The following CACNA1D variants were observed in gnomAD, a reference collection of about 807,000 sequenced individuals.
The protein encoded by CACNA1D is calcium voltage-gated channel subunit alpha1 D, also known as voltage-dependent L-type calcium channel subunit alpha-1D.
CACNA1D carries 55 observed loss-of-function variants against 257.1 expected under a neutral mutation model. That is an observed-to-expected ratio of 0.21 (90% CI 0.17 to 0.27). The LOEUF (loss-of-function observed/expected upper bound fraction) is 0.27. Among genes scored for constraint, CACNA1D ranks in the 10% least tolerant of loss-of-function variants. The pLI, the probability that CACNA1D is intolerant of heterozygous loss-of-function variation, is 1.00. For synonymous variants in CACNA1D, 980 were observed against 1,014.9 expected (o/e 0.97, Z 0.65); for missense variants, 1,876 against 2,784.0 (o/e 0.67, Z 7.34).
chr3:53,567,022 A>C (rs1027128406), intron 3 of CACNA1D, among the ~76,000 whole-genome samples: 9 of 152,206 alleles, frequency 5.9e-5, no homozygotes, highest in African/African-American at 2.2e-4. Context: ...GCAGCACTGT[A>C]ATTCCTTAAG....
chr3:53,554,784 ACAAT>A (rs2092607518), intron 3 of CACNA1D, among the ~76,000 whole-genome samples: 1 of 152,192 alleles, frequency 6.6e-6, no homozygotes, highest in African/African-American at 2.4e-5. Context: ...TACCCAGTAA[ACAAT>A]CAATATTTTG....
At chr3:53,685,120 A>G (rs1299490136) in intron 8 of CACNA1D, among the ~76,000 whole-genome samples, 2 of 152,210 alleles carry the variant, frequency 1.3e-5, no homozygotes, top group African/African-American at 4.8e-5. Flanking sequence ...AAAATTTAAG[A>G]TGCTATAAAG....
chr3:53,702,788 A>T lies in CACNA1D; in HGVS notation c.1368A>T (p.Gly456=). 1 of 1,614,252 alleles carries T rather than the reference A, an allele frequency of 6.2e-7. No individual in the cohort carries two copies. Among genetic ancestry groups the T allele is most frequent in the Admixed American group, 1.7e-5 (1 of 60,030 alleles). ...TCGATCCGGAGAATGAGGAAGAAGG[A>T]GGAGAGGAAGGCAAACGAAATAGTA... ...EDIDPENEEE[G]GEEGKRNTSM... The change falls in exon 9 of 48, where the codon GGA becomes GGT. Residue 456 remains glycine (G), a synonymous_variant. Transcript: ENST00000350061.
At chr3:53,511,025 G>A (rs892218734) in intron 3 of CACNA1D, among the ~76,000 whole-genome samples, 2 of 152,134 alleles carry the variant, frequency 1.3e-5, no homozygotes, top group Admixed American at 6.5e-5. Flanking sequence ...ATTTTGGAAC[G>A]TTTGCTTGCT....
At position 53,651,366 on chromosome 3, in the gene CACNA1D, C is replaced by CTTTTTTTTTTTTT. The variant is rs779207160; in HGVS notation, c.623+458_623+470dup. 6.0e-3 allele frequency among the ~76,000 whole-genome samples: 494 copies of CTTTTTTTTTTTTT among 81,824 alleles called. 85 individuals carry two copies. The highest frequency in any genetic ancestry group is 0.013 in the African/African-American group (295 of 22,520). 53.7% of individuals were successfully genotyped at this position (81,824 alleles called of 152,430 possible). A position where few individuals can be genotyped will look rare whatever the true frequency, so the allele number is the denominator to read the frequency against. On this transcript the variant is annotated intron_variant, in intron 4 of 47. Coordinates refer to ENST00000350061, the MANE Select transcript of CACNA1D (RefSeq NM_001128840.3). Reference sequence around the variant, plus strand: ...TCCCTTGAGCAAAGCTATTAATTTTCTTTTTTTTTTTTTTTTTTTTTTGCT... The same window carrying CTTTTTTTTTTTTT: ...TCCCTTGAGCAAAGCTATTAATTTTCTTTTTTTTTTTTTTTTTTTTTTTTTTTTTTTTTTTGCT...
chr3:53,722,547 T>C, intron 12 of CACNA1D, 73 bp downstream of exon 12: 1 of 1,426,248 alleles, frequency 7.0e-7, no homozygotes, highest in Non-Finnish European at 9.9e-7. Flanking sequence ...CATTTGGTCT[T>C]ATCTGATCGC....
At chr3:53,575,009 C>A (rs1225124599) in intron 3 of CACNA1D, among the ~76,000 whole-genome samples, 1 of 152,258 alleles carries the variant, frequency 6.6e-6, no homozygotes, top group Admixed American at 6.5e-5. Flanking sequence ...GCAGGCCAGG[C>A]ACATCTAAGT....
chr3:53,501,293 A>G (rs1002167027), intron 2 of CACNA1D, among the ~76,000 whole-genome samples: 1 of 152,236 alleles, frequency 6.6e-6, no homozygotes, highest in Non-Finnish European at 1.5e-5. Context: ...TGTAAGAAGC[A>G]GAAACCTAGT....
At chr3:53,500,538 T>G (rs2107116459) in intron 2 of CACNA1D, among the ~76,000 whole-genome samples, 1 of 152,348 alleles carries the variant, frequency 6.6e-6, no homozygotes, top group South Asian at 2.1e-4. Context: ...GAGAATAGTC[T>G]GTTCGTATGC....
At chr3:53,675,330 T>C (rs2094364660) in intron 8 of CACNA1D, among the ~76,000 whole-genome samples, 1 of 152,198 alleles carries the variant, frequency 6.6e-6, no homozygotes, top group African/African-American at 2.4e-5. Context: ...GGGTTGGACA[T>C]GTGAGGGTGG....
chr3:53,533,011 A>G (rs1457372818), intron 3 of CACNA1D, among the ~76,000 whole-genome samples: 1 of 152,162 alleles, frequency 6.6e-6, no homozygotes, highest in African/African-American at 2.4e-5. Context: ...CTGAGATACA[A>G]ACTGAGAATT....
At chr3:53,598,643 GA>G (rs1369510321) in intron 3 of CACNA1D, among the ~76,000 whole-genome samples, 2 of 151,446 alleles carry the variant, frequency 1.3e-5, no homozygotes, top group East Asian at 3.9e-4. Flanking sequence ...TGCTTGGTTT[GA>G]AACTGCCATT....
chr3:53,505,624 G>A (rs2090811956), intron 3 of CACNA1D, among the ~76,000 whole-genome samples: 2 of 152,182 alleles, frequency 1.3e-5, no homozygotes, highest in African/African-American at 4.8e-5. Flanking sequence ...TGGGTGGCAG[G>A]TCCCTTTGTG....
At chr3:53,504,837 G>A (rs554418285) in intron 3 of CACNA1D, among the ~76,000 whole-genome samples, 16 of 152,288 alleles carry the variant, frequency 1.1e-4, no homozygotes, top group African/African-American at 3.4e-4. Context: ...TGGTTGAACA[G>A]TTTTGAGTCT....
Position 53,776,600 on chromosome 3 carries a change from C to G in CACNA1D, c.4363-3C>G. 1 of 1,614,164 alleles carries G rather than the reference C, an allele frequency of 6.2e-7. No homozygotes were observed. Among genetic ancestry groups the G allele is most frequent in the Non-Finnish European group, 8.5e-7 (1 of 1,180,020 alleles). ...GTTCTTCCTTTCCTATTTGCTTTTT[C>G]AGATCATCAATCTGTTTGTGGCTGT... On this transcript the variant is annotated splice_region_variant and splice_polypyrimidine_tract_variant and intron_variant, in intron 35 of 47. Coordinates refer to ENST00000350061, the MANE Select transcript of CACNA1D (RefSeq NM_001128840.3).
At chr3:53,727,074 G>C in intron 15 of CACNA1D, 75 bp downstream of exon 15, 5 of 1,528,132 alleles carry the variant, frequency 3.3e-6, no homozygotes, top group Non-Finnish European at 4.5e-6. Flanking sequence ...GCATTTCTCT[G>C]TGGTGATGGT....
chr3:53,566,810 C>T lies in CACNA1D; in HGVS notation c.483+65090C>T, dbSNP rs529848816. ...AACTTGCACCATTTAGGCAGCTCTTCCATGAGTATTCTTCCATTACATGCT... is the reference window on the plus strand; with the variant it reads ...AACTTGCACCATTTAGGCAGCTCTTTCATGAGTATTCTTCCATTACATGCT... On this transcript the variant is annotated intron_variant, in intron 3 of 47. Coordinates refer to ENST00000350061, the MANE Select transcript of CACNA1D (RefSeq NM_001128840.3). Among the ~76,000 whole-genome samples the T allele has an allele frequency of 7.9e-5, 12 of 152,310 alleles. No homozygotes were observed. In the East Asian group the frequency reaches 2.3e-3, roughly 29 times the overall value.
chr3:53,758,027 G>A (rs1021930768), intron 29 of CACNA1D, among the ~76,000 whole-genome samples: 4 of 152,176 alleles, frequency 2.6e-5, no homozygotes. Flanking sequence ...CCTGGTGGTA[G>A]CTTCCTGGTG....
chr3:53,559,384 T>C (rs1197731746), intron 3 of CACNA1D, among the ~76,000 whole-genome samples: 1 of 152,202 alleles, frequency 6.6e-6, no homozygotes, highest in East Asian at 1.9e-4. Context: ...GTTTTTCGTA[T>C]GTTGAGTAAT....
Sources: gnomAD v4.1 joint callset for allele counts (sites outside exome capture counted in the v4.1 genomes callset) on GRCh38, gnomAD v4.1.1 for gene constraint, MANE v1.5 for transcripts, NCBI Gene and HGNC (gene_info 2026-07-23, HGNC 2026-07-21) for gene names.